ZXDC: variants seen among roughly 807,000 people sequenced by gnomAD.
ZXDC encodes ZXD family zinc finger C.
A neutral mutation model predicts 63.6 loss-of-function variants in ZXDC; 58 were observed. The observed-to-expected ratio is 0.91, with a 90% CI of 0.74 to 1.13. The LOEUF is 1.13. Among genes scored for constraint, ZXDC ranks in the 50% most tolerant of loss-of-function variants. The probability of loss-of-function intolerance (pLI) is 0.00; values close to 1 mark genes in which losing one functional copy is unlikely to be tolerated. For synonymous variants in ZXDC, 561 were observed against 496.1 expected, an observed-to-expected ratio of 1.13 and a Z score of -1.74; for missense variants, 1,133 against 1,148.9, an observed-to-expected ratio of 0.99 and a Z score of 0.20.
chr3:126,458,035 C>G (rs1275167773), intron 7 of ZXDC, among the ~76,000 whole-genome samples: 1 of 152,208 alleles, frequency 6.6e-6, no homozygotes, highest in Non-Finnish European at 1.5e-5. Context: ...AGCTGTCAAA[C>G]AGTCAAGAGA....
At chr3:126,446,700 G>A (rs1012850675) in intron 7 of ZXDC, among the ~76,000 whole-genome samples, 2 of 152,132 alleles carry the variant, frequency 1.3e-5, no homozygotes, top group Non-Finnish European at 2.9e-5. Flanking sequence ...TAACTCACTA[G>A]GTCCCTGACA....
chr3:126,451,257 C>G, intron 7 of ZXDC: 2 of 985,406 alleles, frequency 2.0e-6, no homozygotes, highest in Non-Finnish European at 2.4e-6. Context: ...ATGTGTACTA[C>G]TGCTTGTTTC....
chr3:126,440,225 C>A (rs1933624423), intron 8 of ZXDC: 2 of 995,708 alleles, frequency 2.0e-6, no homozygotes, highest in Admixed American at 5.5e-5. Context: ...ACAGTCCAGG[C>A]TAGAAACTTC....
intron 6 of ZXDC, chr3:126,460,643 A>G: frequency 6.1e-6 from 6 of 985,286 alleles, no homozygotes; most frequent in African/African-American, 1.7e-5. Context: ...AGCAACTACT[A>G]TGGCCGCCTA....
rs1934757108 is a variant in ZXDC, at chr3:126,466,200, G to A, written c.1396C>T (p.His466Tyr). The change falls in exon 5 of 10, where the codon CAC becomes TAC. Residue 466 changes from histidine (H) to tyrosine (Y), a missense_variant. By Grantham distance (83) the His-to-Tyr change is moderately conservative (BLOSUM62 2). Transcript: ENST00000389709. ...STCNRLFTSK[H>Y]SMKAHMVRQH... ...CTGACCATGTGCGCCTTCATGCTGT[G>A]CTTGGAGGTGAAGAGTCTGTTGCAG... 2 of 1,614,234 alleles carry A rather than the reference G, an allele frequency of 1.2e-6. No homozygotes were observed. Among genetic ancestry groups the A allele is most frequent in the Non-Finnish European group, 1.7e-6 (2 of 1,180,048 alleles).
rs1933619736 is a variant in ZXDC, at chr3:126,440,116, C to T, written c.2395-389G>A. 1.3e-5 allele frequency: 13 copies of T among 1,029,510 alleles called. No homozygotes were observed. The South Asian group carries it at 2.0e-4, about 16-fold the overall frequency. 63.8% of individuals were successfully genotyped at this position (1,029,510 alleles called of 1,614,324 possible). ...CTCTCCAGCAAATCCTCGGGCCCCA[C>T]AGAGGGCCTTCCCTGCATGCCCCAG... On this transcript the variant is annotated intron_variant, in intron 8 of 9. Coordinates refer to ENST00000389709, the MANE Select transcript of ZXDC (RefSeq NM_025112.5).
intron 4 of ZXDC, 147 bp from the exon 5 acceptor site, chr3:126,466,472 T>C (rs1934771263): frequency 4.8e-6 from 4 of 824,906 alleles, no homozygotes; most frequent in Non-Finnish European, 7.7e-6. Context: ...TCTCTAGAAG[T>C]AGCATCACAA....
At chr3:126,462,294 GT>G in intron 5 of ZXDC, 74 bp from the exon 6 acceptor site, 1 of 1,501,242 alleles carries the variant, frequency 6.7e-7, no homozygotes, top group Non-Finnish European at 8.8e-7. Context: ...TGCCCATGAT[GT>G]TACCGAGTGA....
rs1174666734 is a variant in ZXDC at position 126,475,855 on chromosome 3, G to A, written c.11C>T (p.Pro4Leu). 7 of 1,077,740 alleles carry A rather than the reference G, an allele frequency of 6.5e-6. No individual in the cohort carries two copies. In the South Asian group the frequency reaches 2.2e-4, roughly 34 times the overall value. 66.8% of individuals were successfully genotyped at this position (1,077,740 alleles called of 1,614,324 possible). A position where few individuals can be genotyped will look rare whatever the true frequency, so the allele number is the denominator to read the frequency against. Residue 4 changes from proline to leucine, a missense_variant, in exon 1 of 10, where the codon CCG becomes CTG. Transcript: ENST00000389709. ...CGCAGTCGGGGCGGGGAGCAGCGCC[G>A]GGAGGTCCATCTTGGTCCCAGCGAC... MDL[P>L]ALLPAPTARG... is the part of the protein sequence containing the mutation.
intron 7 of ZXDC, chr3:126,457,525 C>T (rs1553798592): frequency 1.0e-6 from 1 of 985,262 alleles, no homozygotes; most frequent in Non-Finnish European, 1.2e-6. Context: ...CACACGGAGA[C>T]CTAGCAGGTA....
intron 7 of ZXDC, chr3:126,454,226 G>C (rs1934220762): frequency 5.1e-6 from 5 of 984,262 alleles, no homozygotes; most frequent in Non-Finnish European, 6.0e-6. Flanking sequence ...TGCTTGATCA[G>C]CAAATAATGA....
At chr3:126,474,113 G>A (rs1185154277) in intron 1 of ZXDC, among the ~76,000 whole-genome samples, 1 of 147,574 alleles carries the variant, frequency 6.8e-6, no homozygotes, top group Non-Finnish European at 1.5e-5. Flanking sequence ...CGCCCCGGCT[G>A]GAATGCAGTG....
chr3:126,446,422 G>A (rs1397656044), intron 7 of ZXDC, among the ~76,000 whole-genome samples: 2 of 152,194 alleles, frequency 1.3e-5, no homozygotes, highest in Non-Finnish European at 2.9e-5. Context: ...GTGCCATGAC[G>A]AGAATTAGGT....
intron 7 of ZXDC, chr3:126,452,129 A>G: frequency 1.0e-6 from 1 of 985,416 alleles, no homozygotes; most frequent in East Asian, 1.1e-4. Context: ...GTCGGTGCCC[A>G]GTGCGCTGGA....
rs1934771614 is a variant in ZXDC at position 126,466,473 on chromosome 3, AG to A, written c.1271-149del. ...ACAGAGACCAAATATCTCTAGAAGT[AG>A]CATCACAAGCAATTCAAGTCAAAAG... On this transcript the variant is annotated intron_variant, in intron 4 of 9. Transcript: ENST00000389709. 3.7e-6 allele frequency: 3 copies of A among 806,092 alleles called. No individual in the cohort carries two copies. The African/African-American group carries it at 5.2e-5, about 14-fold the overall frequency. 49.9% of individuals were successfully genotyped at this position (806,092 alleles called of 1,614,324 possible).
At chr3:126,461,371 T>G in intron 6 of ZXDC, 164 bp downstream of exon 6, 1 of 1,410,040 alleles carries the variant, frequency 7.1e-7, no homozygotes, top group East Asian at 2.5e-5. Flanking sequence ...TTAAGGTGAT[T>G]TGTCAAGGTC....
chr3:126,465,585 A>G (rs968626771), intron 5 of ZXDC, among the ~76,000 whole-genome samples: 1 of 152,242 alleles, frequency 6.6e-6, no homozygotes, highest in Non-Finnish European at 1.5e-5. Flanking sequence ...TCCCAGTGAG[A>G]GACACAGGCT....
chr3:126,475,844 G>A lies in ZXDC; in HGVS notation c.22C>T (p.Pro8Ser), dbSNP rs1303245454. The A allele has an allele frequency of 2.8e-6, 3 of 1,080,320 alleles. No individual in the cohort carries two copies. Among genetic ancestry groups the A allele is most frequent in the Admixed American group, 5.3e-5 (1 of 18,922 alleles). The allele number at this position is 1,080,320 out of a possible 1,614,324, so 66.9% of individuals were successfully genotyped here. ...TGCCCTCCGCGCGCAGTCGGGGCGG[G>A]GAGCAGCGCCGGGAGGTCCATCTTG... MDLPALL[P>S]APTARGGQHG... Residue 8 changes from proline (P) to serine (S), a missense_variant, in exon 1 of 10, where the codon CCC (proline) becomes TCC (serine). By Grantham distance (74) the Pro-to-Ser change is moderately conservative (BLOSUM62 -1). Coordinates refer to ENST00000389709, the MANE Select transcript of ZXDC (RefSeq NM_025112.5).
intron 7 of ZXDC, chr3:126,443,139 A>G (rs1031139936): frequency 1.3e-5 from 2 of 152,118 alleles, no homozygotes; most frequent in African/African-American, 4.8e-5. Flanking sequence ...TTTTTCTTTG[A>G]AGTGCAAATG....
Sources: gnomAD v4.1 joint callset for allele counts (sites outside exome capture counted in the v4.1 genomes callset) on GRCh38, gnomAD v4.1.1 for gene constraint, MANE v1.5 for transcripts, NCBI Gene and HGNC (gene_info 2026-07-23, HGNC 2026-07-21) for gene names.